The following CNTN5 variants were observed in gnomAD, a reference collection of about 807,000 sequenced individuals.
CNTN5 encodes the protein contactin 5.
A neutral mutation model predicts 129.1 loss-of-function variants in CNTN5; 77 were observed. The observed-to-expected ratio is 0.60, with a 90% CI of 0.50 to 0.72. The LOEUF (loss-of-function observed/expected upper bound fraction) is 0.72. Ranked by LOEUF, CNTN5 falls within the 30% of genes least tolerant of loss-of-function variation. The probability of loss-of-function intolerance (pLI) is 0.00; values close to 1 mark genes in which losing one functional copy is unlikely to be tolerated. For synonymous variants in CNTN5, 509 were observed against 465.6 expected (o/e 1.09, Z -1.20); for missense variants, 1,478 against 1,328.8 (o/e 1.11, Z -1.75).
chr11:99,601,103 T>G (rs1950298505), intron 3 of CNTN5, among the ~76,000 whole-genome samples: 1 of 152,234 alleles, frequency 6.6e-6, no homozygotes, highest in African/African-American at 2.4e-5. Context: ...AGTTTGGCAC[T>G]TGGAAGGTTT....
intron 2 of CNTN5, 41 bp from the exon 3 acceptor site, chr11:99,556,104 T>G: frequency 1.9e-6 from 1 of 525,742 alleles, no homozygotes; most frequent in Non-Finnish European, 3.3e-6. Flanking sequence ...TCTGTTTGTT[T>G]ATTTCCTCTG....
intron 9 of CNTN5, among the ~76,000 whole-genome samples, chr11:100,006,037 T>C (rs1361783198): frequency 6.6e-6 from 1 of 152,088 alleles, no homozygotes; most frequent in Non-Finnish European, 1.5e-5. Flanking sequence ...ATGAAGAAAG[T>C]CACATGAATT....
intron 1 of CNTN5, among the ~76,000 whole-genome samples, chr11:99,215,633 A>G (rs1860076714): frequency 6.6e-6 from 1 of 152,210 alleles, no homozygotes; most frequent in African/African-American, 2.4e-5. Flanking sequence ...AATCTTAATT[A>G]GGATATTCAC....
chr11:99,625,778 T>C (rs534666452), intron 3 of CNTN5, among the ~76,000 whole-genome samples: 8 of 24,762 alleles, frequency 3.2e-4, no homozygotes, highest in African/African-American at 6.5e-4. Context: ...ATTAAAAAGA[T>C]ATTGATTGAG....
chr11:99,037,920 A>G (rs907307372), intron 1 of CNTN5, among the ~76,000 whole-genome samples: 1 of 152,114 alleles, frequency 6.6e-6, no homozygotes, highest in African/African-American at 2.4e-5. Context: ...TGCTTTAAGG[A>G]TAAGAAAGTG....
chr11:99,572,364 C>T (rs1460331149), intron 3 of CNTN5, among the ~76,000 whole-genome samples: 1 of 152,200 alleles, frequency 6.6e-6, no homozygotes, highest in African/African-American at 2.4e-5. Context: ...TTAAAGCCAT[C>T]CTGTGCTAGA....
intron 23 of CNTN5, among the ~76,000 whole-genome samples, chr11:100,347,088 A>G (rs1952297043): frequency 6.6e-6 from 1 of 152,122 alleles, no homozygotes; most frequent in Non-Finnish European, 1.5e-5. Context: ...GGGAACTACA[A>G]TTCAAGAAGA....
At chr11:100,051,819 A>G (rs924826224) in intron 9 of CNTN5, among the ~76,000 whole-genome samples, 5 of 151,966 alleles carry the variant, frequency 3.3e-5, no homozygotes, top group Admixed American at 3.3e-4. Flanking sequence ...GTTAACTGAC[A>G]ACATTTAATT....
intron 6 of CNTN5, among the ~76,000 whole-genome samples, chr11:99,875,042 C>G (rs533357077): frequency 9.4e-4 from 143 of 152,260 alleles, no homozygotes; most frequent in African/African-American, 3.3e-3. Context: ...TGGAGGTGCT[C>G]ATTGCTGTAG....
intron 1 of CNTN5, among the ~76,000 whole-genome samples, chr11:99,101,316 C>T (rs1233226606): frequency 6.6e-6 from 1 of 152,118 alleles, no homozygotes; most frequent in Non-Finnish European, 1.5e-5. Context: ...CCATATCATT[C>T]TGTCCCTGGC....
At chr11:99,766,005 A>C (rs1944741460) in intron 3 of CNTN5, among the ~76,000 whole-genome samples, 1 of 152,038 alleles carries the variant, frequency 6.6e-6, no homozygotes, top group South Asian at 2.1e-4. Context: ...TTTTACTAGC[A>C]TCTTGAATAT....
chr11:99,039,708 T>C (rs866310760), intron 1 of CNTN5, among the ~76,000 whole-genome samples: 3 of 152,154 alleles, frequency 2.0e-5, no homozygotes, highest in Admixed American at 6.5e-5. Context: ...AATGTGTGTG[T>C]GTACTTGCTC....
intron 1 of CNTN5, among the ~76,000 whole-genome samples, chr11:99,145,955 G>T (rs1180301845): frequency 1.3e-5 from 2 of 151,872 alleles, no homozygotes; most frequent in East Asian, 3.9e-4. Flanking sequence ...TTTTTTTTTA[G>T]TGGTGGTAGA....
chr11:100,258,730 C>T (rs1037762177), intron 17 of CNTN5, among the ~76,000 whole-genome samples: 1 of 152,118 alleles, frequency 6.6e-6, no homozygotes, highest in African/African-American at 2.4e-5. Context: ...AAATCCTTTA[C>T]AGATAAGCAA....
chr11:99,589,925 T>C (rs2135663200), intron 3 of CNTN5, among the ~76,000 whole-genome samples: 1 of 152,306 alleles, frequency 6.6e-6, no homozygotes, highest in South Asian at 2.1e-4. Context: ...AGATGTGTCA[T>C]ATTGTATGCA....
intron 13 of CNTN5, among the ~76,000 whole-genome samples, chr11:100,187,232 A>T (rs1948325203): frequency 6.6e-6 from 1 of 152,060 alleles, no homozygotes; most frequent in African/African-American, 2.4e-5. Context: ...TTGTACATCG[A>T]TTTTGTATCC....
intron 13 of CNTN5, among the ~76,000 whole-genome samples, chr11:100,152,602 T>C (rs1947104757): frequency 6.6e-6 from 1 of 152,128 alleles, no homozygotes; most frequent in East Asian, 1.9e-4. Context: ...ATTGACTTCT[T>C]ATTCCTTGAG....
chr11:99,536,244 T>A (rs1947895672), intron 2 of CNTN5, among the ~76,000 whole-genome samples: 1 of 146,024 alleles, frequency 6.8e-6, no homozygotes. Context: ...ACTATTGGCC[T>A]TCAAATAATA....
At chr11:99,529,119 T>C (rs892624678) in intron 2 of CNTN5, among the ~76,000 whole-genome samples, 1 of 152,004 alleles carries the variant, frequency 6.6e-6, no homozygotes, top group African/African-American at 2.4e-5. Flanking sequence ...GAAAGGTCTG[T>C]CCCAGCTCTC....
Sources: gnomAD v4.1 joint callset for allele counts (sites outside exome capture counted in the v4.1 genomes callset) on GRCh38, gnomAD v4.1.1 for gene constraint, MANE v1.5 for transcripts, NCBI Gene and HGNC (gene_info 2026-07-23, HGNC 2026-07-21) for gene names.